RYR2: variants seen among roughly 807,000 people sequenced by gnomAD.
RYR2 encodes ryanodine receptor 2.
In RYR2, 227 loss-of-function variants were observed where a neutral mutation model predicts 601.1. That is an observed-to-expected ratio of 0.38 (90% CI 0.34 to 0.42). RYR2 has a LOEUF of 0.42. Among genes scored for constraint, RYR2 ranks in the 10% least tolerant of loss-of-function variants. The pLI, the probability that RYR2 is intolerant of heterozygous loss-of-function variation, is 1.00. For missense variants in RYR2, 4,646 were observed against 6,156.5 expected (o/e 0.75, Z 8.21); for synonymous variants, 2,223 against 2,175.1 (o/e 1.02, Z -0.61).
chr1:237,440,462 T>C (rs541991724), intron 12 of RYR2, among the ~76,000 whole-genome samples: 3 of 152,124 alleles, frequency 2.0e-5, no homozygotes, highest in Admixed American at 6.5e-5. Context: ...CTTTAAGACA[T>C]AGTGAGTTCC....
intron 82 of RYR2, among the ~76,000 whole-genome samples, chr1:237,758,297 G>A (rs1428931536): frequency 1.3e-5 from 2 of 152,100 alleles, no homozygotes; most frequent in Non-Finnish European, 2.9e-5. Flanking sequence ...ATCCTGTAAT[G>A]TATACTTCTT....
chr1:237,558,859 C>T (rs1228768114), intron 27 of RYR2, among the ~76,000 whole-genome samples: 3 of 152,088 alleles, frequency 2.0e-5, no homozygotes, highest in Non-Finnish European at 4.4e-5. Flanking sequence ...TGATTCTTGT[C>T]AGTGCAAATC....
In RYR2 at chr1:237,550,711, C is replaced by A. The variant is rs1670301986; in HGVS notation, c.3214+20C>A. 2.0e-6 allele frequency: 3 copies of A among 1,537,440 alleles called. 1 individual carries two copies. Among genetic ancestry groups the A allele is most frequent in the Admixed American group, 4.2e-5 (2 of 48,068 alleles). On this transcript the variant is annotated intron_variant, in intron 27 of 104. Coordinates refer to ENST00000366574, the MANE Select transcript of RYR2 (RefSeq NM_001035.3). ...ATCATGGTATTTTGGTTTTACTTTC[C>A]TCTTCTTCGGTTGCAAGATGATGTA...
intron 12 of RYR2, among the ~76,000 whole-genome samples, chr1:237,435,025 C>T (rs1451803834): frequency 6.6e-6 from 1 of 152,156 alleles, no homozygotes; most frequent in Non-Finnish European, 1.5e-5. Context: ...ATCTGCCTGC[C>T]TCGGCCTCCC....
At position 237,659,981 on chromosome 1, in the gene RYR2, TA is replaced by T; in HGVS notation, c.8209-2del. ...ACAATTTTTAATGTTTGCCTTTTTT[TA>T]AGTTGGCAAATGGATGGATTTATGG... On this transcript the variant is annotated splice_region_variant and splice_polypyrimidine_tract_variant and intron_variant, in intron 54 of 104. Coordinates refer to ENST00000366574, the MANE Select transcript of RYR2 (RefSeq NM_001035.3). 6.4e-7 allele frequency: 1 copy of T among 1,571,752 alleles called. No individual in the cohort carries two copies. The highest frequency in any genetic ancestry group is 8.6e-7 in the Non-Finnish European group (1 of 1,163,480).
chr1:237,569,945 C>T (rs149104004), intron 29 of RYR2, among the ~76,000 whole-genome samples: 1 of 152,198 alleles, frequency 6.6e-6, no homozygotes, highest in African/African-American at 2.4e-5. Context: ...GGGCCGGGTT[C>T]AGTGGCTCAA....
intron 88 of RYR2, among the ~76,000 whole-genome samples, chr1:237,779,315 T>C (rs546410052): frequency 6.6e-6 from 1 of 152,330 alleles, no homozygotes; most frequent in East Asian, 1.9e-4. Context: ...AATGTTAACT[T>C]GAGGGCTATT....
intron 17 of RYR2, among the ~76,000 whole-genome samples, chr1:237,486,325 C>T (rs1176590867): frequency 6.6e-6 from 1 of 152,142 alleles, no homozygotes; most frequent in Admixed American, 6.6e-5. Context: ...CTCCTCACTA[C>T]TAAGGTAAAT....
intron 1 of RYR2, among the ~76,000 whole-genome samples, chr1:237,118,113 A>G (rs1670342390): frequency 6.6e-6 from 1 of 152,218 alleles, no homozygotes; most frequent in Non-Finnish European, 1.5e-5. Flanking sequence ...ATACCTGCAA[A>G]TATCCTTTCT....
intron 1 of RYR2, among the ~76,000 whole-genome samples, chr1:237,115,845 G>A (rs534046866): frequency 6.6e-6 from 1 of 152,060 alleles, no homozygotes; most frequent in South Asian, 2.1e-4. Context: ...ACTCTATCTA[G>A]GAAGATTGCA....
intron 23 of RYR2, among the ~76,000 whole-genome samples, chr1:237,507,749 C>G (rs1020175254): frequency 2.0e-5 from 3 of 152,226 alleles, no homozygotes; most frequent in African/African-American, 7.2e-5. Flanking sequence ...CTTGCAGTTG[C>G]TAAATGCCTT....
intron 100 of RYR2, among the ~76,000 whole-genome samples, chr1:237,809,762 C>T (rs1393878603): frequency 2.0e-5 from 3 of 151,894 alleles, no homozygotes; most frequent in Non-Finnish European, 4.4e-5. Context: ...AAAAATAGCC[C>T]AAAAGATTGA....
At position 237,784,678 on chromosome 1, in the gene RYR2, T is replaced by C. The variant is rs1385392903; in HGVS notation, c.12966T>C (p.Ala4322=). The change falls in exon 90 of 105, where the codon GCT becomes GCC. Residue 4322 remains alanine (A), a synonymous_variant. Coordinates refer to ENST00000366574, the MANE Select transcript of RYR2 (RefSeq NM_001035.3). This position sits in a 1 kb window ranked among gnomAD's most constrained non-coding sequence, Gnocchi z 7.1. ...TTGGGGGAAGCCTCGTCGAAGGTGC[T>C]AAAAAGATCAAAGTTGCAGAACTGT... The part of the protein sequence containing the change: ...LLLGGSLVEG[A]KKIKVAELLA... The C allele has an allele frequency of 6.2e-7, 1 of 1,611,614 alleles. No individual in the cohort carries two copies. The highest frequency in any genetic ancestry group is 1.3e-5 in the African/African-American group (1 of 74,620).
At chr1:237,601,982 TGTTTC>T (rs1676553050) in intron 34 of RYR2, 38 bp from the exon 35 acceptor site, 3 of 1,542,778 alleles carry the variant, frequency 1.9e-6, no homozygotes, top group Non-Finnish European at 2.7e-6. Flanking sequence ...TCCCTTGTCT[TGTTTC>T]ATTACTAACA....
intron 38 of RYR2, among the ~76,000 whole-genome samples, chr1:237,621,188 G>T (rs1450242633): frequency 6.6e-6 from 1 of 152,074 alleles, no homozygotes; most frequent in Non-Finnish European, 1.5e-5. Context: ...AGTATGGGGA[G>T]AAATTTAAAG....
At chr1:237,551,609 A>G (rs1044019650) in intron 27 of RYR2, among the ~76,000 whole-genome samples, 22 of 151,606 alleles carry the variant, frequency 1.5e-4, no homozygotes, top group Middle Eastern at 6.8e-3. Context: ...GAGTTAGTTT[A>G]ATACCCATTT....
chr1:237,438,028 A>AT (rs1324984875), intron 12 of RYR2, among the ~76,000 whole-genome samples: 1 of 100,134 alleles, frequency 1.0e-5, no homozygotes, highest in African/African-American at 3.1e-5. Context: ...AATCTGATCT[A>AT]CAGATTGAAA....
At chr1:237,094,598 G>A (rs758999164) in intron 1 of RYR2, among the ~76,000 whole-genome samples, 49 of 152,128 alleles carry the variant, frequency 3.2e-4, no homozygotes, top group Non-Finnish European at 6.0e-4. Context: ...TTTTTGAGAC[G>A]GAGTCTCGCT....
At chr1:237,123,085 T>C (rs1670991675) in intron 1 of RYR2, among the ~76,000 whole-genome samples, 1 of 152,228 alleles carries the variant, frequency 6.6e-6, no homozygotes, top group Non-Finnish European at 1.5e-5. Context: ...TATTAAACCA[T>C]GTGCTCCTGT....
Sources: gnomAD v4.1 joint callset for allele counts (sites outside exome capture counted in the v4.1 genomes callset) on GRCh38, gnomAD v4.1.1 for gene constraint, Gnocchi (gnomAD v3.1) non-coding constraint, MANE v1.5 for transcripts, NCBI Gene and HGNC (gene_info 2026-07-23, HGNC 2026-07-21) for gene names.